The following PNLIPRP1 variants were observed in gnomAD, a reference collection of about 807,000 sequenced individuals.
The protein encoded by PNLIPRP1 is inactive pancreatic lipase-related protein 1.
In PNLIPRP1, 57 loss-of-function variants were observed where a neutral mutation model predicts 54.6. That is an observed-to-expected ratio of 1.04 (90% confidence interval 0.84 to 1.30). The LOEUF (loss-of-function observed/expected upper bound fraction) is 1.30. PNLIPRP1 is among the 50% of genes most tolerant of loss of function. The pLI is 0.00. For missense variants in PNLIPRP1, 567 were observed against 568.5 expected, an observed-to-expected ratio of 1.00 and a Z score of 0.03; for synonymous variants, 232 against 208.8, an observed-to-expected ratio of 1.11 and a Z score of -0.96.
intron 8 of PNLIPRP1, among the ~76,000 whole-genome samples, chr10:116,599,349 G>T (rs958449817): frequency 1.4e-4 from 22 of 151,754 alleles, no homozygotes; most frequent in Non-Finnish European, 5.9e-5. Flanking sequence ...CCTCATGAGG[G>T]TTTGCGTGCA....
intron 4 of PNLIPRP1, chr10:116,593,291 CATA>C (rs1421388267): frequency 6.5e-6 from 1 of 153,126 alleles, no homozygotes; most frequent in African/African-American, 2.4e-5. Flanking sequence ...CACACACACA[CATA>C]CATACATGGA....
Position 116,591,001 on chromosome 10 carries a change from C to A in PNLIPRP1, c.-1+6C>A. The A allele has an allele frequency of 1.5e-6, 1 of 671,788 alleles. No individual in the cohort carries two copies. Among genetic ancestry groups the A allele is most frequent in the South Asian group, 1.7e-5 (1 of 57,332 alleles). The allele number at this position is 671,788 out of a possible 1,614,324, so 41.6% of individuals were successfully genotyped here. A position where few individuals can be genotyped will look rare whatever the true frequency, so the allele number is the denominator to read the frequency against. ...CATCTGGAACATTAGACAGGGTAAG[C>A]CACCTTTGCAACTCCTTTCCCCCTG... On this transcript the variant is annotated splice_donor_region_variant and intron_variant, in intron 1 of 12. Coordinates refer to ENST00000358834, the MANE Select transcript of PNLIPRP1 (RefSeq NM_006229.4).
chr10:116,600,759 T>TCCAGGGTTTTTGTC (rs1261255836), intron 9 of PNLIPRP1, among the ~76,000 whole-genome samples: 1 of 152,140 alleles, frequency 6.6e-6, no homozygotes, highest in Non-Finnish European at 1.5e-5. Context: ...AGCACTGCAA[T>TCCAGGGTTTTTGTC]CCAGGGTTTT....
chr10:116,601,791 C>G (rs2915760), intron 10 of PNLIPRP1, among the ~76,000 whole-genome samples: 133,915 of 152,218 alleles, frequency 0.88, 59,390 homozygotes, highest in East Asian at 1. Context: ...CCCCATGACA[C>G]TTCCATAGGA....
Position 116,592,761 on chromosome 10 carries a change from A to G in PNLIPRP1, c.330+220A>G, listed in dbSNP as rs1554863427. On this transcript the variant is annotated intron_variant, in intron 4 of 12. Coordinates refer to ENST00000358834, the MANE Select transcript of PNLIPRP1 (RefSeq NM_006229.4). ...GTTAGAAAAGTACTCCTACTACCTA[A>G]TTTCTGGTTAAACCAAGGCCTGATG... 5 of 622,182 alleles carry G rather than the reference A, an allele frequency of 8.0e-6. No homozygotes were observed. In the African/African-American group the frequency reaches 9.1e-5, roughly 11 times the overall value. The allele number at this position is 622,182 out of a possible 1,614,324, so 38.5% of individuals were successfully genotyped here. A position where few individuals can be genotyped will look rare whatever the true frequency, so the allele number is the denominator to read the frequency against.
intron 11 of PNLIPRP1, among the ~76,000 whole-genome samples, chr10:116,604,705 T>TTG (rs1214377335): frequency 6.8e-6 from 1 of 147,052 alleles, no homozygotes; most frequent in Non-Finnish European, 1.5e-5. Context: ...TTTTTTTTTT[T>TTG]GAGAAAGAGT....
chr10:116,602,748 TGTGA>T (rs138296772), intron 10 of PNLIPRP1, among the ~76,000 whole-genome samples: 10,222 of 152,264 alleles, frequency 0.067, 699 homozygotes, highest in East Asian at 0.41. Context: ...TGAATGCATG[TGTGA>T]GTGTGTTTGT....
intron 11 of PNLIPRP1, among the ~76,000 whole-genome samples, chr10:116,605,001 T>A (rs1253882910): frequency 6.6e-6 from 1 of 152,138 alleles, no homozygotes; most frequent in Non-Finnish European, 1.5e-5. Context: ...CCTCTTTCTC[T>A]TAATAGATGT....
intron 4 of PNLIPRP1, chr10:116,594,023 T>C: frequency 6.0e-6 from 1 of 165,542 alleles, no homozygotes; most frequent in Non-Finnish European, 1.3e-5. Flanking sequence ...AAACTCCCAC[T>C]ATCTCTGTGC....
At chr10:116,606,088 T>C (rs1176366620) in intron 12 of PNLIPRP1, among the ~76,000 whole-genome samples, 1 of 151,888 alleles carries the variant, frequency 6.6e-6, no homozygotes, top group African/African-American at 2.4e-5. Context: ...AAAGTTGGAG[T>C]GGTGACCTGA....
chr10:116,593,978 G>GA (rs1236477662), intron 4 of PNLIPRP1: 2 of 155,304 alleles, frequency 1.3e-5, no homozygotes, highest in East Asian at 1.9e-4. Flanking sequence ...AAAAAAGAAA[G>GA]AAAAAAAGAA....
chr10:116,604,178 T>C (rs782618531), intron 11 of PNLIPRP1, 40 bp downstream of exon 11: 33 of 1,083,284 alleles, frequency 3.0e-5, no homozygotes, highest in Admixed American at 5.2e-5. Flanking sequence ...TTTGATGATA[T>C]ACACAGCCTT....
At chr10:116,592,123 T>C (rs533872458) in intron 3 of PNLIPRP1, 198 bp downstream of exon 3, 15 of 647,348 alleles carry the variant, frequency 2.3e-5, no homozygotes, top group African/African-American at 2.2e-4. Context: ...TGGTTCACAT[T>C]TGCCAGAACC....
chr10:116,602,111 G>A (rs1207468082), intron 10 of PNLIPRP1, among the ~76,000 whole-genome samples: 2 of 151,768 alleles, frequency 1.3e-5, no homozygotes, highest in Non-Finnish European at 2.9e-5. Flanking sequence ...CCCCTCCCGG[G>A]TTCACGCCAT....
At chr10:116,599,507 A>T (rs1554864473) in intron 8 of PNLIPRP1, among the ~76,000 whole-genome samples, 1 of 152,164 alleles carries the variant, frequency 6.6e-6, no homozygotes, top group African/African-American at 2.4e-5. Flanking sequence ...AGTGAAGCTC[A>T]TACAAAACCA....
At chr10:116,608,109 A>C (rs1425555372) in intron 12 of PNLIPRP1, among the ~76,000 whole-genome samples, 1 of 150,550 alleles carries the variant, frequency 6.6e-6, no homozygotes, top group African/African-American at 2.5e-5. Context: ...ACCTGCCTCG[A>C]CCTCCCAAAA....
intron 11 of PNLIPRP1, among the ~76,000 whole-genome samples, chr10:116,604,774 C>T (rs577590663): frequency 6.0e-5 from 9 of 149,166 alleles, no homozygotes; most frequent in Non-Finnish European, 7.4e-5. Flanking sequence ...TTGCAACCTC[C>T]GCCTCCCGGG....
At chr10:116,599,951 G>A (rs1049778596) in intron 8 of PNLIPRP1, 96 bp from the exon 9 acceptor site, 27 of 747,536 alleles carry the variant, frequency 3.6e-5, no homozygotes, top group African/African-American at 3.0e-4. Context: ...CTGAAAATAC[G>A]GTCCTACTTT....
intron 10 of PNLIPRP1, among the ~76,000 whole-genome samples, chr10:116,602,941 ATG>A (rs1291556434): frequency 6.6e-6 from 1 of 151,668 alleles, no homozygotes; most frequent in African/African-American, 2.4e-5. Context: ...GTGTAGATGT[ATG>A]TGTGTGTGCA....
Sources: gnomAD v4.1 joint callset for allele counts (sites outside exome capture counted in the v4.1 genomes callset) on GRCh38, gnomAD v4.1.1 for gene constraint, MANE v1.5 for transcripts, NCBI Gene and HGNC (gene_info 2026-07-23, HGNC 2026-07-21) for gene names.